Variants in TTC17 observed in about 807,000 individuals in gnomAD.
The protein encoded by TTC17 is tetratricopeptide repeat protein 17.
In TTC17, 58 loss-of-function variants were observed where a neutral mutation model predicts 143.8. The observed-to-expected ratio is 0.40, with a 90% confidence interval of 0.33 to 0.50. TTC17 has a LOEUF of 0.50. Ranked by LOEUF, TTC17 falls within the 20% of genes least tolerant of loss-of-function variation. TTC17 has a pLI of 0.49. For synonymous variants in TTC17, 501 were observed against 497.8 expected (o/e 1.01, Z -0.09); for missense variants, 1,273 against 1,392.5 (o/e 0.91, Z 1.37).
At chr11:43,439,207 C>G (rs1211604962) in intron 16 of TTC17, among the ~76,000 whole-genome samples, 3 of 152,140 alleles carry the variant, frequency 2.0e-5, no homozygotes, top group African/African-American at 7.2e-5. Flanking sequence ...AAAATCTTTT[C>G]AAGCCCGAAT....
intron 21 of TTC17, among the ~76,000 whole-genome samples, chr11:43,468,737 C>T (rs1948030630): frequency 6.6e-6 from 1 of 152,052 alleles, no homozygotes; most frequent in African/African-American, 2.4e-5. Context: ...GAGTTCAAGA[C>T]CAACCAGGGC....
At position 43,391,773 on chromosome 11, in the gene TTC17, T is replaced by A. The variant is rs961004116; in HGVS notation, c.532-48T>A. 3.1e-6 allele frequency: 5 copies of A among 1,589,076 alleles called. No homozygotes were observed. In the African/African-American group the frequency reaches 5.5e-5, roughly 17 times the overall value. ...CTACAAGATACTGAATTATTTGTCA[T>A]CTTTTATATCCTTTGATATGTCTTT... On this transcript the variant is annotated intron_variant, in intron 4 of 23. Transcript: ENST00000039989.
chr11:43,469,688 TG>T (rs1289336478), intron 21 of TTC17, among the ~76,000 whole-genome samples: 1 of 152,142 alleles, frequency 6.6e-6, no homozygotes. Context: ...GATTACTTCG[TG>T]GGGGAAGGTA....
intron 11 of TTC17, among the ~76,000 whole-genome samples, chr11:43,404,712 G>A (rs1415504389): frequency 6.6e-6 from 1 of 151,660 alleles, no homozygotes; most frequent in Non-Finnish European, 1.5e-5. Flanking sequence ...TTTAATCAAG[G>A]GTTTAACAGA....
At chr11:43,454,846 CAG>C (rs1412104997) in intron 21 of TTC17, among the ~76,000 whole-genome samples, 1 of 151,822 alleles carries the variant, frequency 6.6e-6, no homozygotes, top group African/African-American at 2.4e-5. Flanking sequence ...TTCAGAGAAA[CAG>C]ATTAAAATAT....
intron 1 of TTC17, among the ~76,000 whole-genome samples, chr11:43,372,750 C>CA (rs1856618766): frequency 1.3e-5 from 2 of 152,072 alleles, no homozygotes; most frequent in African/African-American, 4.8e-5. Flanking sequence ...CTCAGCCTGC[C>CA]AAAGTGCTGG....
chr11:43,359,745 TTTCA>T (rs2134417573), intron 1 of TTC17, among the ~76,000 whole-genome samples: 1 of 152,348 alleles, frequency 6.6e-6, no homozygotes, highest in East Asian at 1.9e-4. Context: ...GCCTGCATCT[TTTCA>T]GCTGTTACTG....
chr11:43,421,031 T>G (rs1946890954), intron 16 of TTC17, among the ~76,000 whole-genome samples: 1 of 152,182 alleles, frequency 6.6e-6, no homozygotes, highest in African/African-American at 2.4e-5. Context: ...CAGTCACTAT[T>G]CTAGGAATTG....
At chr11:43,457,685 A>T (rs749140474) in intron 21 of TTC17, among the ~76,000 whole-genome samples, 29 of 152,274 alleles carry the variant, frequency 1.9e-4, no homozygotes, top group Admixed American at 3.3e-4. Flanking sequence ...AGTAATGAAA[A>T]CTCATTGAAT....
chr11:43,400,196 G>T (rs1373743613), intron 9 of TTC17, 148 bp downstream of exon 9: 2 of 908,132 alleles, frequency 2.2e-6, no homozygotes, highest in Non-Finnish European at 3.2e-6. Context: ...ATCACTGTGG[G>T]TATACCAGGA....
chr11:43,471,245 T>C (rs1948086875), intron 21 of TTC17, among the ~76,000 whole-genome samples: 1 of 152,222 alleles, frequency 6.6e-6, no homozygotes, highest in Non-Finnish European at 1.5e-5. Context: ...TATGTAACCA[T>C]GTGGGCTGCT....
intron 2 of TTC17, among the ~76,000 whole-genome samples, chr11:43,387,200 A>G (rs1466512097): frequency 6.6e-6 from 1 of 152,218 alleles, no homozygotes; most frequent in Non-Finnish European, 1.5e-5. Context: ...CTTATTAAAT[A>G]TTATTCTATT....
chr11:43,446,860 T>C (rs1321495399), intron 18 of TTC17: 1 of 187,184 alleles, frequency 5.3e-6, no homozygotes, highest in Admixed American at 6.5e-5. Flanking sequence ...AGGATATTAA[T>C]AAACAGAGCT....
chr11:43,461,390 CA>C (rs750240102), intron 21 of TTC17, among the ~76,000 whole-genome samples: 138 of 36,056 alleles, frequency 3.8e-3, no homozygotes, highest in East Asian at 0.035. Context: ...AACTCCGTCT[CA>C]AAAAAAAAAA....
intron 9 of TTC17, among the ~76,000 whole-genome samples, chr11:43,400,356 T>A (rs955071025): frequency 1.3e-5 from 2 of 152,152 alleles, no homozygotes; most frequent in South Asian, 2.1e-4. Flanking sequence ...TGCATATCAG[T>A]CTCCTGGAGA....
chr11:43,384,061 C>T (rs946083148), intron 2 of TTC17, among the ~76,000 whole-genome samples: 5 of 151,762 alleles, frequency 3.3e-5, no homozygotes, highest in African/African-American at 1.2e-4. Context: ...AGGAGAATTG[C>T]ATGAGCCCAG....
At chr11:43,382,703 A>T (rs1857016798) in intron 2 of TTC17, among the ~76,000 whole-genome samples, 1 of 152,188 alleles carries the variant, frequency 6.6e-6, no homozygotes, top group Non-Finnish European at 1.5e-5. Flanking sequence ...TATAGGCTTC[A>T]TCAGACTGCC....
chr11:43,413,468 T>A (rs1169506951), intron 15 of TTC17, among the ~76,000 whole-genome samples: 4 of 152,060 alleles, frequency 2.6e-5, no homozygotes, highest in Non-Finnish European at 4.4e-5. Context: ...AAGAAAAAAA[T>A]GATAAGCTGA....
At position 43,386,100 on chromosome 11, in the gene TTC17, G is replaced by A. The variant is rs1323395469; in HGVS notation, c.250-3552G>A. On this transcript the variant is annotated intron_variant, in intron 2 of 23. Transcript: ENST00000039989. ...AAAATTGATTGAATAAATGGGGAAA[G>A]GATAGACTTTTTATAAATGATATTA... Among the ~76,000 whole-genome samples, 4 of 151,564 alleles carry A rather than the reference G, an allele frequency of 2.6e-5. No individual in the cohort carries two copies. In the East Asian group the frequency reaches 7.7e-4, roughly 29 times the overall value.
Sources: gnomAD v4.1 joint callset for allele counts (sites outside exome capture counted in the v4.1 genomes callset) on GRCh38, gnomAD v4.1.1 for gene constraint, MANE v1.5 for transcripts, NCBI Gene and HGNC (gene_info 2026-07-23, HGNC 2026-07-21) for gene names.